Variants in CCDC138 observed in about 807,000 individuals in gnomAD.
CCDC138 encodes the protein coiled-coil domain-containing protein 138.
In CCDC138, 66 loss-of-function variants were observed where a neutral mutation model predicts 82.3. The ratio of observed to expected loss-of-function variants is 0.80; its 90% CI spans 0.66 to 0.98. CCDC138 has a LOEUF of 0.98. Among genes scored for constraint, CCDC138 ranks in the 50% least tolerant of loss-of-function variants. The pLI, the probability that CCDC138 is intolerant of heterozygous loss-of-function variation, is 0.00. For missense variants in CCDC138, 816 were observed against 758.9 expected (o/e 1.08, Z -0.88); for synonymous variants, 297 against 265.4 (o/e 1.12, Z -1.16).
At chr2:108,797,401 A>G (rs1681083574) in intron 5 of CCDC138, among the ~76,000 whole-genome samples, 1 of 152,206 alleles carries the variant, frequency 6.6e-6, no homozygotes, top group Non-Finnish European at 1.5e-5. Flanking sequence ...AGGACTGAAA[A>G]GTGACCTTTA....
intron 6 of CCDC138, among the ~76,000 whole-genome samples, chr2:108,803,349 G>T (rs774786639): frequency 6.6e-6 from 1 of 152,170 alleles, no homozygotes; most frequent in Non-Finnish European, 1.5e-5. Context: ...GCTCATAGAG[G>T]CCCCTCTTCC....
intron 10 of CCDC138, among the ~76,000 whole-genome samples, chr2:108,837,810 A>T (rs1221148447): frequency 6.6e-6 from 1 of 152,248 alleles, no homozygotes; most frequent in East Asian, 1.9e-4. Flanking sequence ...GGAGAAGTTT[A>T]TATAAAATTT....
chr2:108,866,136 CAGAA>C (rs1339277023), intron 13 of CCDC138, among the ~76,000 whole-genome samples: 1 of 152,136 alleles, frequency 6.6e-6, no homozygotes, highest in African/African-American at 2.4e-5. Context: ...CTGGATTTCA[CAGAA>C]AGGGAATTTG....
intron 7 of CCDC138, among the ~76,000 whole-genome samples, chr2:108,807,444 T>C (rs1430415011): frequency 6.6e-6 from 1 of 152,218 alleles, no homozygotes; most frequent in Admixed American, 6.5e-5. Flanking sequence ...CAGTAATGTG[T>C]AATGATCACA....
At chr2:108,843,542 T>C (rs2378226) in intron 11 of CCDC138, among the ~76,000 whole-genome samples, 139,719 of 152,252 alleles carry the variant, frequency 0.92, 64,182 homozygotes, top group East Asian at 1. Context: ...ATATTTTCAC[T>C]GGGTATCAGA....
rs1375263784 is a variant in CCDC138, at chr2:108,791,678, A to G, written c.270A>G (p.Leu90=). 3 of 1,604,516 alleles carry G rather than the reference A, an allele frequency of 1.9e-6. No individual in the cohort carries two copies. Among genetic ancestry groups the G allele is most frequent in the African/African-American group, 1.3e-5 (1 of 74,484 alleles). The change falls in exon 4 of 15, where the codon CTA becomes CTG. Residue 90 remains leucine (L), a synonymous_variant. Coordinates refer to ENST00000295124, the MANE Select transcript of CCDC138 (RefSeq NM_144978.3). ...SLFKHVNVNC[L]DDELDSFHDL... is the part of the protein sequence containing the mutation. ...TGATACAATTATTTTTTTAAAGCCT[A>G]GATGATGAACTGGATTCTTTCCATG...
chr2:108,794,110 C>T (rs1472925880), intron 4 of CCDC138, among the ~76,000 whole-genome samples: 2 of 151,944 alleles, frequency 1.3e-5, no homozygotes, highest in East Asian at 3.9e-4. Flanking sequence ...ATATAAAAGG[C>T]AAAACAAGCA....
downstream of CCDC138, among the ~76,000 whole-genome samples, chr2:108,880,753 A>G (rs1211988523): frequency 1.3e-5 from 2 of 152,176 alleles, no homozygotes; most frequent in African/African-American, 4.8e-5. Flanking sequence ...GCTCAGATAA[A>G]AAAAAGACTC....
intron 10 of CCDC138, among the ~76,000 whole-genome samples, chr2:108,831,585 A>G (rs1311932473): frequency 1.3e-5 from 2 of 152,176 alleles, no homozygotes; most frequent in Admixed American, 1.3e-4. Flanking sequence ...TATCTAAGAG[A>G]AACTTGACTT....
At chr2:108,788,304 C>T (rs1267181741) in intron 2 of CCDC138, among the ~76,000 whole-genome samples, 1 of 151,990 alleles carries the variant, frequency 6.6e-6, no homozygotes, top group African/African-American at 2.4e-5. Context: ...CCTGTAATCC[C>T]AACTGCTGGG....
chr2:108,811,247 C>CTCTTTTTTT (rs760937756), intron 7 of CCDC138, among the ~76,000 whole-genome samples: 17 of 113,834 alleles, frequency 1.5e-4, no homozygotes, highest in African/African-American at 3.8e-4. Flanking sequence ...TTCTCTCTCT[C>CTCTTTTTTT]TTTTTTTTTT....
intron 12 of CCDC138, among the ~76,000 whole-genome samples, chr2:108,853,748 A>T: frequency 6.9e-6 from 1 of 144,332 alleles, no homozygotes; most frequent in Non-Finnish European, 1.5e-5. Flanking sequence ...CTGGTCTCAA[A>T]CTCCTGGGCT....
intron 10 of CCDC138, among the ~76,000 whole-genome samples, chr2:108,838,139 G>T (rs1688877709): frequency 6.6e-6 from 1 of 152,024 alleles, no homozygotes. Context: ...AGAGAATATT[G>T]CCTCCTGGGA....
Position 108,856,788 on chromosome 2 carries a change from T to C in CCDC138, c.1517-6T>C. ...CTGCAGTTGATTGTACATAACTATT[T>C]TCCAGCTGATTACCTGGCTCAGGCA... On this transcript the variant is annotated splice_region_variant and splice_polypyrimidine_tract_variant and intron_variant, in intron 12 of 14. Transcript: ENST00000295124. 1 of 1,612,076 alleles carries C rather than the reference T, an allele frequency of 6.2e-7. No individual in the cohort carries two copies. The highest frequency in any genetic ancestry group is 8.5e-7 in the Non-Finnish European group (1 of 1,179,356).
At chr2:108,877,195 C>T (rs539439934), downstream of CCDC138, among the ~76,000 whole-genome samples, 289 of 152,164 alleles carry the variant, frequency 1.9e-3, no homozygotes, top group African/African-American at 6.6e-3. Flanking sequence ...AGGCCAGGCG[C>T]GGTGGCTTAC....
chr2:108,788,829 C>T (rs561568352), intron 2 of CCDC138, 23 bp from the exon 3 acceptor site: 2 of 1,613,730 alleles, frequency 1.2e-6, no homozygotes, highest in South Asian at 2.2e-5. Context: ...GGTAATCTTT[C>T]ATGGTTTCTT....
chr2:108,847,889 AAGATTACAAT>A (rs1216344692), intron 12 of CCDC138, among the ~76,000 whole-genome samples: 5 of 152,204 alleles, frequency 3.3e-5, no homozygotes. Flanking sequence ...TATGGTTCTC[AAGATTACAAT>A]AGACTAGGTG....
At chr2:108,884,913 C>A (rs983731819) in intron 2 of CCDC138, 1 of 152,216 alleles carries the variant, frequency 6.6e-6, no homozygotes, top group African/African-American at 2.4e-5. Context: ...CTTTTCAGCC[C>A]CTCCCCACTC....
At chr2:108,850,102 A>G (rs1691200267) in intron 12 of CCDC138, among the ~76,000 whole-genome samples, 1 of 152,246 alleles carries the variant, frequency 6.6e-6, no homozygotes, top group African/African-American at 2.4e-5. Context: ...AGACACTGTC[A>G]TGATACAGCT....
Sources: allele counts gnomAD v4.1 joint callset (sites outside exome capture counted in the v4.1 genomes callset), GRCh38; gene constraint gnomAD v4.1.1; transcripts MANE v1.5; gene names NCBI Gene and HGNC (gene_info 2026-07-23, HGNC 2026-07-21).